ANO10: variants seen among roughly 807,000 people sequenced by gnomAD.
The protein encoded by ANO10 is anoctamin-10.
A neutral mutation model predicts 74.7 loss-of-function variants in ANO10; 77 were observed. That is an observed-to-expected ratio of 1.03 (90% CI 0.86 to 1.25). ANO10 has a LOEUF of 1.25. ANO10 is among the 50% of genes most tolerant of loss of function. The probability of loss-of-function intolerance (pLI) is 0.00; values close to 1 mark genes in which losing one functional copy is unlikely to be tolerated. For synonymous variants in ANO10, 279 were observed against 284.9 expected (o/e 0.98, Z 0.21); for missense variants, 721 against 778.1 (o/e 0.93, Z 0.87).
chr3:43,631,871 T>TCAG (rs1406096169), intron 1 of ANO10, among the ~76,000 whole-genome samples: 33 of 151,514 alleles, frequency 2.2e-4, no homozygotes, highest in African/African-American at 7.7e-4. Flanking sequence ...TCACCTGAGG[T>TCAG]CAGGAGTTCA....
intron 11 of ANO10, chr3:43,485,151 G>GC: frequency 1.3e-6 from 1 of 770,852 alleles, no homozygotes; most frequent in Non-Finnish European, 2.3e-6. Context: ...GATGGAGTGG[G>GC]CCCTGGCGCG....
chr3:43,426,882 C>T (rs190543622), intron 12 of ANO10, among the ~76,000 whole-genome samples: 27 of 152,218 alleles, frequency 1.8e-4, no homozygotes, highest in Admixed American at 9.2e-4. Flanking sequence ...GTCTAATTTG[C>T]CTATATATTT....
At chr3:43,471,248 TA>T in intron 11 of ANO10, among the ~76,000 whole-genome samples, 1 of 152,138 alleles carries the variant, frequency 6.6e-6, no homozygotes, top group African/African-American at 2.4e-5. Flanking sequence ...TATATCCAAT[TA>T]AAACAGAAAC....
intron 1 of ANO10, among the ~76,000 whole-genome samples, chr3:43,662,015 A>G (rs550585149): frequency 9.3e-4 from 142 of 152,302 alleles, no homozygotes; most frequent in Middle Eastern, 3.4e-3. Context: ...AAAACTAACA[A>G]GGATATCCAG....
In ANO10 at chr3:43,598,434, G is replaced by T. The variant is rs371850034; in HGVS notation, c.472+98C>A. Reference sequence around the variant, plus strand: ...TATGTTCATAAAAATACAAGTTATTGTAAGTTTGTGTAAGTTCTTCTGTAA... The same window carrying T: ...TATGTTCATAAAAATACAAGTTATTTTAAGTTTGTGTAAGTTCTTCTGTAA... On this transcript the variant is annotated intron_variant, in intron 4 of 12. Transcript: ENST00000292246. 1.0e-4 allele frequency: 124 copies of T among 1,188,332 alleles called. 1 individual carries two copies. In the East Asian group the frequency reaches 2.7e-3, roughly 26 times the overall value. The allele number at this position is 1,188,332 out of a possible 1,614,324, so 73.6% of individuals were successfully genotyped here.
chr3:43,688,050 A>G (rs914267817), intron 1 of ANO10, among the ~76,000 whole-genome samples: 1 of 152,242 alleles, frequency 6.6e-6, no homozygotes, highest in African/African-American at 2.4e-5. Flanking sequence ...AAGCTAGAAC[A>G]GAGCTACTCC....
In ANO10 at chr3:43,580,447, G is replaced by A. The variant is rs781594739; in HGVS notation, c.498C>T (p.Ile166=). ...SLLRRLLTSG[I]VIQVFPLHDS... is the part of the protein sequence containing the mutation. Reference sequence around the variant, plus strand: ...CATGCAGTGGAAACACCTGAATCACGATGCCAGACGTGAGCAATCTTCTCA... The same window carrying A: ...CATGCAGTGGAAACACCTGAATCACAATGCCAGACGTGAGCAATCTTCTCA... The change falls in exon 5 of 13, where the codon ATC becomes ATT. Residue 166 remains isoleucine, a synonymous_variant. Transcript: ENST00000292246. 4 of 1,613,750 alleles carry A rather than the reference G, an allele frequency of 2.5e-6. No individual in the cohort carries two copies. Among genetic ancestry groups the A allele is most frequent in the South Asian group, 2.2e-5 (2 of 91,014 alleles).
intron 11 of ANO10, among the ~76,000 whole-genome samples, chr3:43,521,907 C>T (rs1367463500): frequency 2.0e-5 from 3 of 152,010 alleles, no homozygotes; most frequent in Non-Finnish European, 4.4e-5. Context: ...CCCAAGAGTC[C>T]ATCAACAGAA....
chr3:43,449,886 T>A (rs955883126), intron 11 of ANO10, among the ~76,000 whole-genome samples: 1 of 152,198 alleles, frequency 6.6e-6, no homozygotes, highest in Non-Finnish European at 1.5e-5. Flanking sequence ...AAAACTGACA[T>A]CTTAATAGAG....
chr3:43,595,025 A>C (rs2082005637), intron 4 of ANO10, among the ~76,000 whole-genome samples: 1 of 152,232 alleles, frequency 6.6e-6, no homozygotes. Flanking sequence ...GAAATGGATA[A>C]ATTCCTGGAC....
At position 43,559,685 on chromosome 3, in the gene ANO10, T is replaced by C. The variant is rs181550103; in HGVS notation, c.1476+1535A>G. Among the ~76,000 whole-genome samples the C allele has an allele frequency of 4.6e-5, 7 of 152,188 alleles. No homozygotes were observed. In the East Asian group the frequency reaches 1.2e-3, roughly 25 times the overall value. ...GGGGATGGACTGCTGGTGCAGTTTC[T>C]ATAAGACAGTGAAAAAAGGAAAAGA... On this transcript the variant is annotated intron_variant, in intron 9 of 12. Transcript: ENST00000292246.
At chr3:43,566,438 C>G (rs1380335202) in intron 7 of ANO10, among the ~76,000 whole-genome samples, 2 of 152,350 alleles carry the variant, frequency 1.3e-5, no homozygotes, top group African/African-American at 4.8e-5. Context: ...ATATCCCTGT[C>G]TGACAGCTTG....
At chr3:43,572,850 C>T (rs150277308) in intron 7 of ANO10, among the ~76,000 whole-genome samples, 8 of 152,282 alleles carry the variant, frequency 5.3e-5, no homozygotes, top group Non-Finnish European at 1.0e-4. Flanking sequence ...GTAAGATCAA[C>T]ACGACCGCAG....
chr3:43,647,334 G>A (rs1204480641), intron 1 of ANO10, among the ~76,000 whole-genome samples: 1 of 152,062 alleles, frequency 6.6e-6, no homozygotes, highest in Admixed American at 6.6e-5. Flanking sequence ...TTGGGGAGTT[G>A]GGGGAGCGCT....
intron 1 of ANO10, among the ~76,000 whole-genome samples, chr3:43,642,067 G>C (rs891501426): frequency 1.3e-5 from 2 of 152,118 alleles, no homozygotes; most frequent in Non-Finnish European, 2.9e-5. Context: ...ATGATATTTC[G>C]ATGCCAAGAT....
At chr3:43,473,936 C>G (rs912074793) in intron 11 of ANO10, among the ~76,000 whole-genome samples, 1 of 152,148 alleles carries the variant, frequency 6.6e-6, no homozygotes, top group Non-Finnish European at 1.5e-5. Flanking sequence ...GCCCAAGTGA[C>G]AACACAGCTG....
chr3:43,467,825 C>T (rs2149045215), intron 11 of ANO10, among the ~76,000 whole-genome samples: 1 of 152,238 alleles, frequency 6.6e-6, no homozygotes, highest in Middle Eastern at 3.4e-3. Flanking sequence ...TTAACTGCAA[C>T]AGTAATAAAT....
At chr3:43,412,863 C>T (rs1250237740) in intron 12 of ANO10, among the ~76,000 whole-genome samples, 1 of 152,040 alleles carries the variant, frequency 6.6e-6, no homozygotes, top group African/African-American at 2.4e-5. Context: ...CCAGCCTGGC[C>T]GACATGGTGA....
At chr3:43,522,684 G>A (rs1424672956) in intron 11 of ANO10, among the ~76,000 whole-genome samples, 1 of 152,204 alleles carries the variant, frequency 6.6e-6, no homozygotes, top group Non-Finnish European at 1.5e-5. Context: ...GAAGAGGTTG[G>A]TTAAAAGGTT....
Sources: allele counts gnomAD v4.1 joint callset (sites outside exome capture counted in the v4.1 genomes callset), GRCh38; gene constraint gnomAD v4.1.1; transcripts MANE v1.5; gene names NCBI Gene and HGNC (gene_info 2026-07-23, HGNC 2026-07-21).